Variants in SLC44A5 observed in about 807,000 individuals in gnomAD.
SLC44A5 encodes choline transporter-like protein 5.
SLC44A5 carries 57 observed loss-of-function variants against 101.8 expected under a neutral mutation model. That is an observed-to-expected ratio of 0.56 (90% CI 0.45 to 0.70). SLC44A5 has a LOEUF of 0.70. SLC44A5 is among the 30% of genes least tolerant of loss of function. SLC44A5 has a pLI of 0.00. For synonymous variants in SLC44A5, 281 were observed against 290.9 expected (o/e 0.97, Z 0.35); for missense variants, 737 against 853.1 (o/e 0.86, Z 1.70).
At chr1:75,649,228 C>T in the SLC44A5 span, among the ~76,000 whole-genome samples, 60,608 of 152,018 alleles carry the variant, frequency 0.4, 13,338 homozygotes, top group East Asian at 0.93. Flanking sequence ...AATGAGAAAT[C>T]TTGTCTTAAT....
intron 2 of SLC44A5, among the ~76,000 whole-genome samples, chr1:75,539,272 G>T (rs1671222740): frequency 1.3e-5 from 2 of 152,136 alleles, no homozygotes; most frequent in African/African-American, 4.8e-5. Context: ...AAACCACAAT[G>T]CCTGTGGATA....
At chr1:75,296,697 C>T (rs544457961) in intron 5 of SLC44A5, among the ~76,000 whole-genome samples, 11 of 152,216 alleles carry the variant, frequency 7.2e-5, no homozygotes, top group African/African-American at 2.4e-4. Flanking sequence ...TCAAACTCAC[C>T]GACAGCCTCC....
chr1:75,542,345 C>T (rs548840885), intron 1 of SLC44A5, among the ~76,000 whole-genome samples: 80 of 151,946 alleles, frequency 5.3e-4, no homozygotes, highest in African/African-American at 1.9e-3. Context: ...TTGTTCATTG[C>T]TTTTTTTGCA....
chr1:75,432,630 G>A (rs1308389951), intron 2 of SLC44A5, among the ~76,000 whole-genome samples: 1 of 152,044 alleles, frequency 6.6e-6, no homozygotes, highest in African/African-American at 2.4e-5. Flanking sequence ...TATTTTTGCT[G>A]TGTGACTACA....
At position 75,537,029 on chromosome 1, in the gene SLC44A5, A is replaced by ATATATATAT. The variant is rs1228367756; in HGVS notation, c.13+4405_13+4406insATATATATA. 0.032 allele frequency among the ~76,000 whole-genome samples: 786 copies of ATATATATAT among 24,814 alleles called. 71 individuals carry two copies. The East Asian group carries it at 0.36, about 11-fold the overall frequency. The allele number at this position is 24,814 out of a possible 152,430, so 16.3% of individuals were successfully genotyped here. The stretch of plus-strand genomic sequence containing the variant: ...TCAAAAAAAAAAAAAAAAAAAAAAA[A>ATATATATAT]AAAAATATATATCTATGCCAAATGA... On this transcript the variant is annotated intron_variant, in intron 2 of 23. Coordinates refer to ENST00000370859, the MANE Select transcript of SLC44A5 (RefSeq NM_001130058.2).
At chr1:75,542,001 T>C (rs990442782) in intron 1 of SLC44A5, among the ~76,000 whole-genome samples, 1 of 152,170 alleles carries the variant, frequency 6.6e-6, no homozygotes, top group African/African-American at 2.4e-5. Context: ...TGGTATTATA[T>C]GGCATTTAAA....
chr1:75,659,627 CAAAAA>C, the SLC44A5 span, among the ~76,000 whole-genome samples: 18 of 98,782 alleles, frequency 1.8e-4, no homozygotes, highest in South Asian at 4.0e-4. Context: ...CCATCTCTAC[CAAAAA>C]AAAAAAAAAA....
intron 3 of SLC44A5, among the ~76,000 whole-genome samples, chr1:75,365,934 A>G (rs372103678): frequency 1.2e-4 from 18 of 152,214 alleles, no homozygotes; most frequent in Admixed American, 4.6e-4. Context: ...TCTCACCTGT[A>G]TGCTATTGAT....
At chr1:75,259,397 A>T (rs899332858) in intron 6 of SLC44A5, among the ~76,000 whole-genome samples, 4 of 152,328 alleles carry the variant, frequency 2.6e-5, no homozygotes, top group Middle Eastern at 3.4e-3. Context: ...AAGTATCAAT[A>T]GCAGAATCGA....
At chr1:75,518,942 C>A (rs1168796918) in intron 2 of SLC44A5, among the ~76,000 whole-genome samples, 2 of 152,162 alleles carry the variant, frequency 1.3e-5, no homozygotes, top group African/African-American at 4.8e-5. Context: ...TTTCACAACT[C>A]TGTATATACA....
At chr1:75,311,988 A>G (rs1350918807) in intron 4 of SLC44A5, among the ~76,000 whole-genome samples, 1 of 152,168 alleles carries the variant, frequency 6.6e-6, no homozygotes, top group African/African-American at 2.4e-5. Context: ...CCCAAACTTC[A>G]TCTTGAATTG....
chr1:75,556,587 A>G (rs1264097786), intron 1 of SLC44A5, among the ~76,000 whole-genome samples: 1 of 152,150 alleles, frequency 6.6e-6, no homozygotes, highest in Non-Finnish European at 1.5e-5. Context: ...AACATTTTCA[A>G]ATAATAAAAG....
At chr1:75,665,966 A>G in the SLC44A5 span, among the ~76,000 whole-genome samples, 2 of 152,132 alleles carry the variant, frequency 1.3e-5, no homozygotes. Flanking sequence ...TGTCAAAAAA[A>G]CAAGAGATGC....
At chr1:75,542,459 T>C (rs920035230) in intron 1 of SLC44A5, among the ~76,000 whole-genome samples, 1 of 152,138 alleles carries the variant, frequency 6.6e-6, no homozygotes, top group African/African-American at 2.4e-5. Context: ...ATTATTTCCA[T>C]ACTGTTGGAT....
chr1:75,257,477 T>C (rs1210205890), intron 6 of SLC44A5, among the ~76,000 whole-genome samples: 1 of 151,940 alleles, frequency 6.6e-6, no homozygotes, highest in African/African-American at 2.4e-5. Flanking sequence ...AGCTAAGGCA[T>C]GGAAAAAGAG....
intron 7 of SLC44A5, among the ~76,000 whole-genome samples, chr1:75,244,546 C>A (rs540592825): frequency 3.3e-5 from 5 of 152,038 alleles, no homozygotes; most frequent in African/African-American, 1.2e-4. Context: ...GTTTTATCAC[C>A]ATAAGAAACT....
intron 2 of SLC44A5, among the ~76,000 whole-genome samples, chr1:75,453,953 C>T (rs1011705347): frequency 2.0e-5 from 3 of 151,994 alleles, no homozygotes; most frequent in Non-Finnish European, 4.4e-5. Flanking sequence ...AACTCACAGC[C>T]AAATTCTATC....
the SLC44A5 span, among the ~76,000 whole-genome samples, chr1:75,679,209 T>C: frequency 3.3e-5 from 5 of 152,142 alleles, no homozygotes; most frequent in Non-Finnish European, 5.9e-5. Context: ...TCCAGGAGAA[T>C]TTCCCCAATC....
intron 6 of SLC44A5, among the ~76,000 whole-genome samples, chr1:75,266,318 TACAC>T (rs61250669): frequency 1.2e-3 from 175 of 146,938 alleles, no homozygotes; most frequent in Middle Eastern, 3.5e-3. Flanking sequence ...GGCATAGAAA[TACAC>T]ACACACACAC....
Sources: gnomAD v4.1 joint callset for allele counts (sites outside exome capture counted in the v4.1 genomes callset) on GRCh38, gnomAD v4.1.1 for gene constraint, MANE v1.5 for transcripts, NCBI Gene and HGNC (gene_info 2026-07-23, HGNC 2026-07-21) for gene names.